ALDH1L2: variants seen among roughly 807,000 people sequenced by gnomAD.
ALDH1L2 encodes the protein aldehyde dehydrogenase 1 family member L2.
Under a neutral mutation model 111.0 loss-of-function variants are expected in ALDH1L2, and 91 were observed. The ratio of observed to expected loss-of-function variants is 0.82; its 90% confidence interval spans 0.69 to 0.98. The LOEUF (loss-of-function observed/expected upper bound fraction) is 0.98. Ranked by LOEUF, ALDH1L2 falls within the 50% of genes least tolerant of loss-of-function variation. The pLI is 0.00. For synonymous variants in ALDH1L2, 374 were observed against 392.6 expected (o/e 0.95, Z 0.56); for missense variants, 995 against 1,126.8 (o/e 0.88, Z 1.67).
chr12:105,062,994 A>G lies in ALDH1L2; in HGVS notation c.815T>C (p.Leu272Pro), dbSNP rs1877095928. 6.2e-7 allele frequency: 1 copy of G among 1,613,694 alleles called. No individual in the cohort carries two copies. The highest frequency in any genetic ancestry group is 1.3e-5 in the African/African-American group (1 of 74,916). The change falls in exon 7 of 23, where the codon CTG becomes CCG. Residue 272 changes from leucine (L) to proline (P), a missense_variant. By Grantham distance (98) the Leu-to-Pro change is moderately conservative (BLOSUM62 -3). Coordinates refer to ENST00000258494, the MANE Select transcript of ALDH1L2 (RefSeq NM_001034173.4). ...QMVTFYGSTL[L>P]NSSVPPGEPL... Reference sequence around the variant, plus strand: ...TTCTCCAGGAGGCACAGAGCTATTCAGTAATGTCGAGCCATAGAAAGTGAC... The same window carrying G: ...TTCTCCAGGAGGCACAGAGCTATTCGGTAATGTCGAGCCATAGAAAGTGAC...
At chr12:105,033,604 G>A (rs985314962) in intron 19 of ALDH1L2, among the ~76,000 whole-genome samples, 1 of 150,972 alleles carries the variant, frequency 6.6e-6, no homozygotes, top group Non-Finnish European at 1.5e-5. Context: ...GCAAATTCTT[G>A]ATTAATACTA....
At position 105,058,196 on chromosome 12, in the gene ALDH1L2, T is replaced by C; in HGVS notation, c.1164A>G (p.Lys388=). The C allele has an allele frequency of 1.2e-6, 2 of 1,610,190 alleles. No individual in the cohort carries two copies. Among genetic ancestry groups the C allele is most frequent in the Non-Finnish European group, 1.7e-6 (2 of 1,178,688 alleles). The part of the protein sequence containing the change: ...VARLVEEIRQ[K]CGGLQLQNED... Reference sequence around the variant, plus strand: ...CATTCTGCAACTGAAGCCCACCACATTTCTGTCTGATCTCTTCAACCAGCC... The same window carrying C: ...CATTCTGCAACTGAAGCCCACCACACTTCTGTCTGATCTCTTCAACCAGCC... The change falls in exon 10 of 23, where the codon AAA becomes AAG. Residue 388 remains lysine, a synonymous_variant. Transcript: ENST00000258494.
chr12:105,047,915 AT>A (rs1284319700), intron 13 of ALDH1L2: 13 of 152,212 alleles, frequency 8.5e-5, no homozygotes, highest in African/African-American at 3.1e-4. Context: ...TCACTGAAAC[AT>A]TTGAATATTC....
rs1424450159 is a variant in ALDH1L2 at position 105,084,407 on chromosome 12, C to T, written c.30G>A (p.Arg10=). The T allele has an allele frequency of 6.7e-7, 1 of 1,497,190 alleles. No homozygotes were observed. The highest frequency in any genetic ancestry group is 8.8e-7 in the Non-Finnish European group (1 of 1,130,172). 92.7% of individuals were successfully genotyped at this position (1,497,190 alleles called of 1,614,324 possible). Residue 10 remains arginine (R), a synonymous_variant, in exon 1 of 23, where the codon CGG becomes CGA. Coordinates refer to ENST00000258494, the MANE Select transcript of ALDH1L2 (RefSeq NM_001034173.4). MLRRGSQAL[R]RFSTGRVYFK... ...GACTCACCCGGCCAGTGGAGAAGCG[C>T]CGGAGCGCCTGGCTGCCCCGCCGCA...
In ALDH1L2 at chr12:105,021,273, A is replaced by G. The variant is rs965916627; in HGVS notation, c.*3151T>C. The G allele has an allele frequency of 2.0e-5, 3 of 152,450 alleles. No homozygotes were observed. The highest frequency in any genetic ancestry group is 4.4e-5 in the Non-Finnish European group (3 of 68,266). 9.4% of individuals were successfully genotyped at this position (152,450 alleles called of 1,614,324 possible). ...ACCGCAGAAGAGAGGAATCCAGAAGACCAGTTGGGAGACTTGAGCAAAATT... is the reference window on the plus strand; with the variant it reads ...ACCGCAGAAGAGAGGAATCCAGAAGGCCAGTTGGGAGACTTGAGCAAAATT... On this transcript the variant is annotated 3_prime_UTR_variant, in exon 23 of 23. Coordinates refer to ENST00000258494, the MANE Select transcript of ALDH1L2 (RefSeq NM_001034173.4).
rs1565971499 is a variant in ALDH1L2, at chr12:105,070,551, TAAAA to T, written c.428+15_428+18del. On this transcript the variant is annotated intron_variant, in intron 3 of 22. Transcript: ENST00000258494. Reference sequence around the variant, plus strand: ...AAGACCCCATCTCAAAAAAAAAAAGTAAAAAGAAAAAATCTCACCAATTGATAGC... The same window carrying T: ...AAGACCCCATCTCAAAAAAAAAAAGTAGAAAAAATCTCACCAATTGATAGC... 2 of 1,556,614 alleles carry T rather than the reference TAAAA, an allele frequency of 1.3e-6. No individual in the cohort carries two copies. Among genetic ancestry groups the T allele is most frequent in the South Asian group, 1.2e-5 (1 of 83,044 alleles).
intron 1 of ALDH1L2, among the ~76,000 whole-genome samples, chr12:105,079,843 C>A (rs1015137280): frequency 3.5e-4 from 54 of 152,202 alleles, no homozygotes; most frequent in African/African-American, 1.3e-3. Context: ...GTGAATTCTA[C>A]AGACCTTTCC....
rs1386993060 is a variant in ALDH1L2 at position 105,046,824 on chromosome 12, G to A, written c.1758-9C>T. The A allele has an allele frequency of 6.2e-7, 1 of 1,613,562 alleles. No individual in the cohort carries two copies. Among genetic ancestry groups the A allele is most frequent in the East Asian group, 2.2e-5 (1 of 44,868 alleles). On this transcript the variant is annotated splice_polypyrimidine_tract_variant and intron_variant, in intron 14 of 22. Coordinates refer to ENST00000258494, the MANE Select transcript of ALDH1L2 (RefSeq NM_001034173.4). ...TAATAATGGCACAGACACTGCAGGG[G>A]AAGAAATTCGACATGCTTAGTTGTT...
At chr12:105,051,204 C>T (rs1044419748) in intron 12 of ALDH1L2, among the ~76,000 whole-genome samples, 2 of 152,220 alleles carry the variant, frequency 1.3e-5, no homozygotes, top group African/African-American at 4.8e-5. Flanking sequence ...CTCCACCCTG[C>T]TCTGTGACCT....
At chr12:105,056,228 C>T (rs1301858855) in intron 10 of ALDH1L2, among the ~76,000 whole-genome samples, 2 of 151,956 alleles carry the variant, frequency 1.3e-5, no homozygotes, top group East Asian at 1.9e-4. Context: ...TATCAGAAAC[C>T]ATGAAGGCCA....
rs1874240337 is a variant in ALDH1L2 at position 105,023,182 on chromosome 12, T to C, written c.*1242A>G. 1 of 152,232 alleles carries C rather than the reference T, an allele frequency of 6.6e-6. No homozygotes were observed. The highest frequency in any genetic ancestry group is 2.4e-5 in the African/African-American group (1 of 41,466). 9.4% of individuals were successfully genotyped at this position (152,232 alleles called of 1,614,324 possible). On this transcript the variant is annotated 3_prime_UTR_variant, in exon 23 of 23. Coordinates refer to ENST00000258494, the MANE Select transcript of ALDH1L2 (RefSeq NM_001034173.4). Reference sequence around the variant, plus strand: ...TACTGAGATAGAGATTTGATTTTCATTTTATAGATACTCAACCTAGGCTCT... The same window carrying C: ...TACTGAGATAGAGATTTGATTTTCACTTTATAGATACTCAACCTAGGCTCT...
chr12:105,055,703 A>G (rs1478376239), intron 10 of ALDH1L2, among the ~76,000 whole-genome samples: 1 of 152,202 alleles, frequency 6.6e-6, no homozygotes, highest in Non-Finnish European at 1.5e-5. Flanking sequence ...AAAGAGAATA[A>G]TGTCTTGCCA....
At chr12:105,049,314 A>T (rs923278610) in intron 13 of ALDH1L2, among the ~76,000 whole-genome samples, 1 of 152,178 alleles carries the variant, frequency 6.6e-6, no homozygotes, top group African/African-American at 2.4e-5. Context: ...ACTTGCTACA[A>T]ATTATAGGAA....
At chr12:105,066,830 A>G (rs1333532241) in intron 4 of ALDH1L2, among the ~76,000 whole-genome samples, 161 bp from the exon 5 acceptor site, 2 of 152,240 alleles carry the variant, frequency 1.3e-5, no homozygotes, top group Non-Finnish European at 2.9e-5. Context: ...CCTGACAAGC[A>G]GTGTGGTAGC....
intron 12 of ALDH1L2, among the ~76,000 whole-genome samples, chr12:105,051,532 A>G (rs1876263453): frequency 6.6e-6 from 1 of 152,154 alleles, no homozygotes; most frequent in Non-Finnish European, 1.5e-5. Flanking sequence ...ATGTTTCAGT[A>G]TCCTTTATTG....
At chr12:105,064,449 A>G (rs1204902092) in intron 6 of ALDH1L2, among the ~76,000 whole-genome samples, 1 of 152,120 alleles carries the variant, frequency 6.6e-6, no homozygotes, top group Non-Finnish European at 1.5e-5. Flanking sequence ...CTTAACCATT[A>G]CACTAAACTC....
chr12:105,062,858 A>C (rs758324350), intron 7 of ALDH1L2, 30 bp downstream of exon 7: 1 of 1,598,782 alleles, frequency 6.3e-7, no homozygotes, highest in South Asian at 1.1e-5. Context: ...TCAAAAGGTT[A>C]TTTCATAGGC....
At position 105,061,895 on chromosome 12, in the gene ALDH1L2, T is replaced by G. The variant is rs144080573; in HGVS notation, c.922-143A>C. ...TACAGATTAAAAGCATTCACCATTA[T>G]GTGTAAAAGGGCTGAAATGGCACTT... On this transcript the variant is annotated intron_variant, in intron 7 of 22. Transcript: ENST00000258494. The G allele has an allele frequency of 1.3e-4, 132 of 1,006,236 alleles. 1 individual carries two copies. In the East Asian group the frequency reaches 3.5e-3, roughly 26 times the overall value. 62.3% of individuals were successfully genotyped at this position (1,006,236 alleles called of 1,614,324 possible). A position where few individuals can be genotyped will look rare whatever the true frequency, so the allele number is the denominator to read the frequency against.
At chr12:105,074,203 A>T (rs963275918) in intron 1 of ALDH1L2, 198 bp from the exon 2 acceptor site, 17 of 582,530 alleles carry the variant, frequency 2.9e-5, no homozygotes, top group Middle Eastern at 8.9e-4. Flanking sequence ...CACGCTTATA[A>T]TCCCAGCACT....
Sources: allele counts gnomAD v4.1 joint callset (sites outside exome capture counted in the v4.1 genomes callset), GRCh38; gene constraint gnomAD v4.1.1; transcripts MANE v1.5; gene names NCBI Gene and HGNC (gene_info 2026-07-23, HGNC 2026-07-21).